DLG3: variants seen among roughly 807,000 people sequenced by gnomAD.
DLG3 encodes discs large MAGUK scaffold protein 3.
Under a neutral mutation model 64.1 loss-of-function variants are expected in DLG3, and 1 was observed. That is an observed-to-expected ratio of 0.02 (90% CI 0.01 to 0.07). DLG3 has a LOEUF of 0.07. Ranked by LOEUF, DLG3 falls within the 10% of genes least tolerant of loss-of-function variation. The pLI is 1.00. For synonymous variants in DLG3, 245 were observed against 259.8 expected, an observed-to-expected ratio of 0.94 and a Z score of 0.55; for missense variants, 429 against 669.5, an observed-to-expected ratio of 0.64 and a Z score of 3.96.
chrX:70,501,729 G>A (rs1290383887), intron 18 of DLG3, among the ~76,000 whole-genome samples: 2 of 111,194 alleles, frequency 1.8e-5, no homozygotes, highest in African/African-American at 6.5e-5. Context: ...AGAAATTGTG[G>A]CTTTCAGTTC....
At chrX:70,478,236 G>A (rs952182416) in intron 9 of DLG3, among the ~76,000 whole-genome samples, 1 of 112,446 alleles carries the variant, frequency 8.9e-6, no homozygotes, top group African/African-American at 3.2e-5. Context: ...TGTCCTAGGA[G>A]AATGTCACAG....
intron 7 of DLG3, chrX:70,452,765 G>C (rs1410722089): frequency 1.7e-6 from 2 of 1,164,711 alleles, no homozygotes; most frequent in South Asian, 2.1e-5. Flanking sequence ...GGTAGGAGTG[G>C]AGGGCTAGGA....
rs1351508995 is a variant in DLG3, at chrX:70,496,381, T to G, written c.1819+928T>G. Among the ~76,000 whole-genome samples, 7 of 112,234 alleles carry G rather than the reference T, an allele frequency of 6.2e-5. No homozygotes were observed. In the East Asian group the frequency reaches 1.1e-3, roughly 18 times the overall value. ...CAGCATCTCTCTCCATAGTTTGGTG[T>G]GTCCATGTCTCATCTTCATTCGCGT... is the stretch of plus-strand genomic sequence containing the variant. On this transcript the variant is annotated intron_variant, in intron 13 of 18. Transcript: ENST00000374360.
intron 15 of DLG3, 116 bp downstream of exon 15, chrX:70,499,393 A>G (rs2147889326): frequency 1.8e-6 from 1 of 568,614 alleles, no homozygotes; most frequent in South Asian, 2.4e-5. Flanking sequence ...GACAGGGTAC[A>G]TTTGACACGC....
At chrX:70,497,047 A>G in intron 13 of DLG3, 1 of 619,066 alleles carries the variant, frequency 1.6e-6, no homozygotes, top group Non-Finnish European at 2.7e-6. Context: ...GGTAGCCTGG[A>G]TGTGGCAGGC....
intron 9 of DLG3, among the ~76,000 whole-genome samples, chrX:70,458,988 C>A (rs1166295728): frequency 8.9e-6 from 1 of 111,976 alleles, no homozygotes; most frequent in Non-Finnish European, 1.9e-5. Flanking sequence ...TGGAATTGTC[C>A]CACCAAGGGA....
Position 70,454,126 on chromosome X carries a change from G to A in DLG3, c.1303-88G>A, listed in dbSNP as rs1881914361. ...AAGGCATCTAAACAGGCTTAGGGGT[G>A]GGGTACCCATCTCCCTCTCCTAACT... On this transcript the variant is annotated intron_variant, in intron 8 of 18. Transcript: ENST00000374360. 6.1e-6 allele frequency: 5 copies of A among 821,691 alleles called. No individual in the cohort carries two copies. In the South Asian group the frequency reaches 1.1e-4, roughly 19 times the overall value. 67.7% of individuals were successfully genotyped at this position (821,691 alleles called of 1,213,427 possible).
intron 10 of DLG3, among the ~76,000 whole-genome samples, chrX:70,490,622 A>G (rs1002375029): frequency 8.9e-6 from 1 of 112,210 alleles, no homozygotes; most frequent in Admixed American, 9.4e-5. Flanking sequence ...TTCACTCTTC[A>G]TGGTTTTACT....
In DLG3 at chrX:70,449,988, CT is replaced by C. The variant is rs2086602006; in HGVS notation, c.703+135del. 4 of 991,466 alleles carry C rather than the reference CT, an allele frequency of 4.0e-6. No individual in the cohort carries two copies. In the South Asian group the frequency reaches 6.5e-5, roughly 16 times the overall value. 81.7% of individuals were successfully genotyped at this position (991,466 alleles called of 1,213,427 possible). ...TCCCCCTGTTCCAACTCACAGCCTA[CT>C]TTTTTGACCTCAGGCCTCACCCTTA... is the stretch of plus-strand genomic sequence containing the variant. On this transcript the variant is annotated intron_variant, in intron 4 of 18. Coordinates refer to ENST00000374360, the MANE Select transcript of DLG3 (RefSeq NM_021120.4).
In DLG3 at chrX:70,502,368, T is replaced by C; in HGVS notation, c.*99T>C. On this transcript the variant is annotated 3_prime_UTR_variant, in exon 19 of 19. Coordinates refer to ENST00000374360, the MANE Select transcript of DLG3 (RefSeq NM_021120.4). ...TCCCCATGGGGAGAACAAATGCTAC[T>C]GTTCTTGTCCCCTTTTTTAGATATG... 1.7e-6 allele frequency: 1 copy of C among 603,710 alleles called. No homozygotes were observed. The highest frequency in any genetic ancestry group is 2.5e-5 in the South Asian group (1 of 39,273). 49.8% of individuals were successfully genotyped at this position (603,710 alleles called of 1,213,427 possible).
At chrX:70,471,672 C>G (rs778781501) in intron 9 of DLG3, among the ~76,000 whole-genome samples, 20 of 111,447 alleles carry the variant, frequency 1.8e-4, no homozygotes, top group Non-Finnish European at 3.8e-4. Context: ...AAGGAAAAAA[C>G]TCAGATTCTT....
intron 9 of DLG3, among the ~76,000 whole-genome samples, chrX:70,474,225 TTCAAGCTTTAGGAAAGC>T (rs1227018894): frequency 8.9e-6 from 1 of 111,977 alleles, no homozygotes; most frequent in Non-Finnish European, 1.9e-5. Flanking sequence ...GGGCTACAAA[TTCAAGCTTTAGGAAAGC>T]TTTTCAAATA....
chrX:70,472,452 T>C (rs1033158919), intron 9 of DLG3, among the ~76,000 whole-genome samples: 22 of 111,019 alleles, frequency 2.0e-4, no homozygotes, highest in Non-Finnish European at 3.8e-4. Flanking sequence ...CTACTCCGGA[T>C]GCTGAGGCAC....
chrX:70,499,777 G>T (rs1311667276), intron 15 of DLG3, 100 bp from the exon 16 acceptor site: 4 of 897,013 alleles, frequency 4.5e-6, no homozygotes, highest in Non-Finnish European at 6.3e-6. Context: ...AAATGGAGTG[G>T]CCCAGTGACC....
chrX:70,462,573 A>T (rs1357790329), intron 9 of DLG3, among the ~76,000 whole-genome samples: 1 of 111,670 alleles, frequency 9.0e-6, no homozygotes, highest in African/African-American at 3.3e-5. Context: ...ATTACTTTTT[A>T]TGGCTGAACA....
Position 70,449,734 on chromosome X carries a change from A to C in DLG3, c.578A>C (p.Glu193Ala). 8.3e-7 allele frequency: 1 copy of C among 1,210,843 alleles called. No individual in the cohort carries two copies. Among genetic ancestry groups the C allele is most frequent in the Non-Finnish European group, 1.1e-6 (1 of 895,313 alleles). ...CGGGTGAATGAGGTGGACGTGTCGG[A>C]GGTGGTACACAGCCGGGCGGTGGAG... ...VLRVNEVDVSEVVHSRAVEAL... is the reference protein window; with the variant it reads ...VLRVNEVDVSAVVHSRAVEAL... The change falls in exon 4 of 19, where the codon GAG becomes GCG. Residue 193 changes from glutamate (E) to alanine (A), a missense_variant. Around this residue, in one of 9 missense-constraint regions of DLG3, gnomAD observed 73 missense variants for 158.5 expected, o/e 0.46. Coordinates refer to ENST00000374360, the MANE Select transcript of DLG3 (RefSeq NM_021120.4).
intron 7 of DLG3, 198 bp from the exon 8 acceptor site, chrX:70,453,439 G>A: frequency 2.0e-6 from 1 of 508,476 alleles, no homozygotes; most frequent in East Asian, 3.9e-5. Flanking sequence ...AGAAGGGAGG[G>A]AAGAGGAACT....
chrX:70,449,284 G>A, intron 2 of DLG3, 75 bp from the exon 3 acceptor site: 2 of 1,180,339 alleles, frequency 1.7e-6, no homozygotes, highest in East Asian at 3.0e-5. Context: ...GGGATATAAG[G>A]GGAGATGAGG....
Position 70,498,509 on chromosome X carries a change from T to C in DLG3, c.1820-11T>C, listed in dbSNP as rs2087496575. 3 of 1,209,119 alleles carry C rather than the reference T, an allele frequency of 2.5e-6. No homozygotes were observed. The highest frequency in any genetic ancestry group is 3.4e-6 in the Non-Finnish European group (3 of 893,868). ...CATATGGTGCTAACCTATCTCTCTT[T>C]TTTGTTGCAGAAGGACAAGAGGATG... On this transcript the variant is annotated splice_polypyrimidine_tract_variant and intron_variant, in intron 13 of 18. Coordinates refer to ENST00000374360, the MANE Select transcript of DLG3 (RefSeq NM_021120.4).
Sources: allele counts gnomAD v4.1 joint callset (sites outside exome capture counted in the v4.1 genomes callset), GRCh38; gene constraint gnomAD v4.1.1; regional missense constraint gnomAD v4.1.1; transcripts MANE v1.5; gene names NCBI Gene and HGNC (gene_info 2026-07-23, HGNC 2026-07-21).